Variants in TRIM25 observed in about 807,000 individuals in gnomAD.
TRIM25 encodes the protein tripartite motif containing 25, also known as E3 ubiquitin/ISG15 ligase TRIM25.
TRIM25 carries 45 observed loss-of-function variants against 65.2 expected under a neutral mutation model. The ratio of observed to expected loss-of-function variants is 0.69; its 90% CI spans 0.54 to 0.89. The LOEUF (loss-of-function observed/expected upper bound fraction) is 0.89. Ranked by LOEUF, TRIM25 falls within the 40% of genes least tolerant of loss-of-function variation. TRIM25 has a pLI of 0.00. For missense variants in TRIM25, 714 were observed against 803.7 expected (o/e 0.89, Z 1.35); for synonymous variants, 321 against 340.4 (o/e 0.94, Z 0.63).
At chr17:56,911,947 GT>G (rs1200175956) in intron 1 of TRIM25, among the ~76,000 whole-genome samples, 2 of 152,074 alleles carry the variant, frequency 1.3e-5, no homozygotes, top group African/African-American at 4.8e-5. Context: ...CACACCTGTA[GT>G]CCCAGCTACT....
chr17:56,901,481 A>C lies in TRIM25; in HGVS notation c.1025T>G (p.Ile342Arg). ...CTGCTTCAGCTCGTTTTTGAGGTCT[A>C]TGGTGCTCTGGTGGATGCCTTTTAT... is the stretch of plus-strand genomic sequence containing the variant. ...KLIKGIHQST[I>R]DLKNELKQCI... The change falls in exon 4 of 9, where the codon ATA (isoleucine) becomes AGA (arginine). Residue 342 changes from isoleucine (I) to arginine (R), a missense_variant. Transcript: ENST00000316881. The C allele has an allele frequency of 6.2e-7, 1 of 1,614,150 alleles. No individual in the cohort carries two copies. The highest frequency in any genetic ancestry group is 8.5e-7 in the Non-Finnish European group (1 of 1,180,024).
At position 56,913,545 on chromosome 17, in the gene TRIM25, G is replaced by C. The variant is rs374904632; in HGVS notation, c.444C>G (p.Pro148=). The C allele has an allele frequency of 5.6e-6, 9 of 1,613,574 alleles. No individual in the cohort carries two copies. The African/African-American group carries it at 8.0e-5, about 14-fold the overall frequency. The change falls in exon 1 of 9, where the codon CCC becomes CCG. Residue 148 remains proline, a synonymous_variant. Coordinates refer to ENST00000316881, the MANE Select transcript of TRIM25 (RefSeq NM_005082.5). This position sits in a 1 kb window ranked among gnomAD's most constrained non-coding sequence, Gnocchi z 6.1. ...PAFQDHPLQP[P]VRDLLRRKCS... is the part of the protein sequence containing the mutation. ...ATTTGCGGCGCAACAGGTCGCGAAC[G>C]GGCGGCTGCAGCGGGTGGTCCTGGA...
chr17:56,901,936 G>A (rs1013851040), intron 3 of TRIM25, among the ~76,000 whole-genome samples: 1 of 152,142 alleles, frequency 6.6e-6, no homozygotes, highest in African/African-American at 2.4e-5. Flanking sequence ...AGGAAACTCA[G>A]GACCACCCCA....
intron 2 of TRIM25, among the ~76,000 whole-genome samples, chr17:56,905,313 G>A (rs1195694378): frequency 1.3e-5 from 2 of 152,128 alleles, no homozygotes; most frequent in Admixed American, 6.5e-5. Flanking sequence ...ACAGTGAGCC[G>A]AGATCGTGCC....
intron 1 of TRIM25, among the ~76,000 whole-genome samples, chr17:56,911,599 AT>A (rs1307872064): frequency 6.7e-6 from 1 of 149,348 alleles, no homozygotes; most frequent in Non-Finnish European, 1.5e-5. Context: ...AAAAATTCTG[AT>A]TTTATAGCCA....
chr17:56,893,909 G>A (rs1322095336), intron 8 of TRIM25, among the ~76,000 whole-genome samples: 1 of 152,224 alleles, frequency 6.6e-6, no homozygotes, highest in Non-Finnish European at 1.5e-5. Flanking sequence ...CCTGGGTCAA[G>A]GGCAGGACAG....
chr17:56,897,953 C>G (rs372055712), intron 5 of TRIM25, among the ~76,000 whole-genome samples: 11 of 152,224 alleles, frequency 7.2e-5, no homozygotes, highest in African/African-American at 1.4e-4. Flanking sequence ...CGATACCACA[C>G]TCTGCCTGCT....
intron 8 of TRIM25, 39 bp downstream of exon 8, chr17:56,895,304 G>A (rs1367262833): frequency 1.9e-6 from 3 of 1,546,518 alleles, no homozygotes; most frequent in Non-Finnish European, 1.8e-6. Context: ...AGGAGAGACA[G>A]AACCAGTGGA....
intron 3 of TRIM25, among the ~76,000 whole-genome samples, chr17:56,902,420 T>A (rs536216616): frequency 5.9e-5 from 9 of 152,014 alleles, no homozygotes; most frequent in East Asian, 1.9e-4. Flanking sequence ...AAAACAGCCA[T>A]GAAAAAATGC....
chr17:56,896,493 A>C (rs1909296325), intron 5 of TRIM25, among the ~76,000 whole-genome samples: 1 of 151,468 alleles, frequency 6.6e-6, no homozygotes, highest in African/African-American at 2.4e-5. Flanking sequence ...ATCTCTACAA[A>C]ATTACAAAAA....
Position 56,904,440 on chromosome 17 carries a change from T to A in TRIM25, c.742A>T (p.Met248Leu). 1 of 1,614,178 alleles carries A rather than the reference T, an allele frequency of 6.2e-7. No individual in the cohort carries two copies. Among genetic ancestry groups the A allele is most frequent in the Non-Finnish European group, 8.5e-7 (1 of 1,180,038 alleles). Residue 248 changes from methionine (M) to leucine (L), a missense_variant, in exon 3 of 9, where the codon ATG becomes TTG. Met to Leu is a conservative substitution (Grantham distance 15). Around this residue, in one of 3 missense-constraint regions of TRIM25, gnomAD observed 413 missense variants for 498.2 expected, o/e 0.83. Coordinates refer to ENST00000316881, the MANE Select transcript of TRIM25 (RefSeq NM_005082.5). ...TCTGAGGCGTCCAAGAGAGCCTTCA[T>A]TTCCGTGTATTCTTGTTGTAGCTGC... ...VEQLQQEYTEMKALLDASETT... is the reference protein window; with the variant it reads ...VEQLQQEYTELKALLDASETT...
chr17:56,904,854 C>A (rs1438657874), intron 2 of TRIM25, among the ~76,000 whole-genome samples: 1 of 152,192 alleles, frequency 6.6e-6, no homozygotes, highest in East Asian at 1.9e-4. Flanking sequence ...GAATATTAAA[C>A]AGTTATGAAA....
chr17:56,893,872 C>T (rs1040180534), intron 8 of TRIM25, among the ~76,000 whole-genome samples: 9 of 152,278 alleles, frequency 5.9e-5, no homozygotes, highest in African/African-American at 1.7e-4. Context: ...TTTTGTGACA[C>T]GGAGTACCCT....
chr17:56,913,442 G>C lies in TRIM25; in HGVS notation c.547C>G (p.His183Asp), dbSNP rs1172526348. ...AGGGACGCGGGAGAGCAGGTCTTATGCTCCACCAGGCAGATGTGGCAGATG... is the reference window on the plus strand; with the variant it reads ...AGGGACGCGGGAGAGCAGGTCTTATCCTCCACCAGGCAGATGTGGCAGATG... ...ECICHICLVEHKTCSPASLSQ... is the reference protein window; with the variant it reads ...ECICHICLVEDKTCSPASLSQ... Residue 183 changes from histidine (H) to aspartate (D), a missense_variant, in exon 1 of 9, where the codon CAT (histidine) becomes GAT (aspartate). Physicochemically the swap from His to Asp is moderately conservative, Grantham distance 81. Transcript: ENST00000316881. The surrounding 1 kb of genome is among the most constrained non-coding windows in gnomAD (Gnocchi z 6.1). 2 of 1,605,572 alleles carry C rather than the reference G, an allele frequency of 1.2e-6. No homozygotes were observed. Among genetic ancestry groups the C allele is most frequent in the South Asian group, 1.1e-5 (1 of 90,166 alleles).
chr17:56,910,964 G>A (rs1909616085), intron 1 of TRIM25, among the ~76,000 whole-genome samples: 1 of 152,230 alleles, frequency 6.6e-6, no homozygotes, highest in East Asian at 1.9e-4. Context: ...CCTGTTGTTA[G>A]GATTAAACAG....
At position 56,913,890 on chromosome 17, in the gene TRIM25, G is replaced by A; in HGVS notation, c.99C>T (p.Cys33=). 1 of 1,564,504 alleles carries A rather than the reference G, an allele frequency of 6.4e-7. No individual in the cohort carries two copies. Among genetic ancestry groups the A allele is most frequent in the African/African-American group, 1.4e-5 (1 of 73,864 alleles). The change falls in exon 1 of 9, where the codon TGC becomes TGT. Residue 33 remains cysteine (C), a synonymous_variant. Transcript: ENST00000316881. The surrounding 1 kb of genome is among the most constrained non-coding windows in gnomAD (Gnocchi z 6.1). ...CCCACGTCTCATTCAGGCACGACCC[G>A]CAGAAGTTGTGGCCGCACGGAGTGG... ...PVTTPCGHNF[C]GSCLNETWAV...
At chr17:56,911,222 C>T (rs1339532531) in intron 1 of TRIM25, among the ~76,000 whole-genome samples, 1 of 151,910 alleles carries the variant, frequency 6.6e-6, no homozygotes, top group African/African-American at 2.4e-5. Context: ...GAGCTATGAT[C>T]ATGCTACTGT....
At chr17:56,905,202 A>G (rs1909496050) in intron 2 of TRIM25, among the ~76,000 whole-genome samples, 1 of 152,188 alleles carries the variant, frequency 6.6e-6, no homozygotes. Context: ...CATCTCTACT[A>G]AAAATACAAA....
chr17:56,891,472 C>T lies in TRIM25; in HGVS notation c.*228G>A. On this transcript the variant is annotated 3_prime_UTR_variant, in exon 9 of 9. Transcript: ENST00000316881. The stretch of plus-strand genomic sequence containing the variant: ...TCCAGAACAATGGGGAGTAGGTCAC[C>T]CTGCCCTGATAGGCACCAGGGGGTG... 1.7e-6 allele frequency: 1 copy of T among 580,146 alleles called. No individual in the cohort carries two copies. Among genetic ancestry groups the T allele is most frequent in the Non-Finnish European group, 3.0e-6 (1 of 331,746 alleles). The allele number at this position is 580,146 out of a possible 1,614,324, so 35.9% of individuals were successfully genotyped here.
Sources: gnomAD v4.1 joint callset for allele counts (sites outside exome capture counted in the v4.1 genomes callset) on GRCh38, gnomAD v4.1.1 for gene constraint, gnomAD v4.1.1 regional missense constraint, Gnocchi (gnomAD v3.1) non-coding constraint, MANE v1.5 for transcripts, NCBI Gene and HGNC (gene_info 2026-07-23, HGNC 2026-07-21) for gene names.